ZNF76: variants seen among roughly 807,000 people sequenced by gnomAD.
ZNF76 encodes zinc finger protein 76.
Under a neutral mutation model 66.9 loss-of-function variants are expected in ZNF76, and 66 were observed. The observed-to-expected ratio is 0.99, with a 90% CI of 0.81 to 1.21. The LOEUF is 1.21. ZNF76 is among the 50% of genes most tolerant of loss of function. The pLI is 0.00. For synonymous variants in ZNF76, 275 were observed against 296.1 expected (o/e 0.93, Z 0.73); for missense variants, 729 against 760.3 (o/e 0.96, Z 0.48).
chr6:35,291,848 AGCC>A, intron 9 of ZNF76, 111 bp downstream of exon 9: 4 of 1,335,298 alleles, frequency 3.0e-6, no homozygotes, highest in Non-Finnish European at 3.1e-6. Context: ...CTTCTGTGCC[AGCC>A]ATTCCAGGCT....
At position 35,269,280 on chromosome 6, in the gene ZNF76, C is replaced by CAAA. The variant is rs10615994; in HGVS notation, c.-97+9460_-97+9462dup. 2.3e-3 allele frequency among the ~76,000 whole-genome samples: 187 copies of CAAA among 81,888 alleles called. 1 individual carries two copies. Among genetic ancestry groups the CAAA allele is most frequent in the Admixed American group, 3.9e-3 (24 of 6,232 alleles). 53.7% of individuals were successfully genotyped at this position (81,888 alleles called of 152,430 possible). ...TGGGCGACAGAGCGAGACTCTGTCT[C>CAAA]AAAAAAAAAAAAAAAAAAAAAAATG... On this transcript the variant is annotated intron_variant, in intron 1 of 13. Coordinates refer to ENST00000373953, the MANE Select transcript of ZNF76 (RefSeq NM_003427.5).
At chr6:35,264,729 C>G (rs1288472239) in intron 1 of ZNF76, among the ~76,000 whole-genome samples, 1 of 152,130 alleles carries the variant, frequency 6.6e-6, no homozygotes, top group Non-Finnish European at 1.5e-5. Context: ...TAACCTTTCT[C>G]TGACCTCTTC....
intron 5 of ZNF76, among the ~76,000 whole-genome samples, chr6:35,289,716 C>G (rs1283629689): frequency 6.6e-6 from 1 of 152,182 alleles, no homozygotes; most frequent in Non-Finnish European, 1.5e-5. Flanking sequence ...CAGCACTCCC[C>G]TGGGTGCTTC....
At chr6:35,267,589 G>A (rs1196756295) in intron 1 of ZNF76, among the ~76,000 whole-genome samples, 5 of 152,242 alleles carry the variant, frequency 3.3e-5, no homozygotes, top group Non-Finnish European at 7.3e-5. Flanking sequence ...GTAATACCCA[G>A]TGAGTGCCTG....
intron 1 of ZNF76, among the ~76,000 whole-genome samples, chr6:35,263,553 A>C (rs570152599): frequency 6.6e-6 from 1 of 152,344 alleles, no homozygotes; most frequent in Admixed American, 6.5e-5. Flanking sequence ...AGCAATAAAT[A>C]CAGCAGAAAC....
At chr6:35,278,692 C>G (rs539681153) in intron 1 of ZNF76, among the ~76,000 whole-genome samples, 7 of 152,362 alleles carry the variant, frequency 4.6e-5, no homozygotes, top group African/African-American at 1.7e-4. Flanking sequence ...GTCTTCACGA[C>G]TGCACTGAGT....
chr6:35,279,459 G>A (rs1014089626), intron 1 of ZNF76: 3 of 119,096 alleles, frequency 2.5e-5, no homozygotes, highest in Admixed American at 2.4e-4. Context: ...ACGGAGTCTC[G>A]CTCTGTCGCC....
chr6:35,287,861 G>A lies in ZNF76; in HGVS notation c.432+16G>A, dbSNP rs377305004. On this transcript the variant is annotated intron_variant, in intron 5 of 13. Coordinates refer to ENST00000373953, the MANE Select transcript of ZNF76 (RefSeq NM_003427.5). This position sits in a 1 kb window ranked among gnomAD's most constrained non-coding sequence, Gnocchi z 4.0. ...TGCCAGCAAGGTGAGCACGCACAGC[G>A]TGACACGGTCTGTCACTCTAGACAA... The A allele has an allele frequency of 1.8e-5, 29 of 1,568,326 alleles. No individual in the cohort carries two copies. The highest frequency in any genetic ancestry group is 1.6e-4 in the African/African-American group (12 of 73,592).
intron 5 of ZNF76, chr6:35,288,101 T>C (rs1458422553): frequency 1.1e-5 from 7 of 663,014 alleles, no homozygotes; most frequent in Non-Finnish European, 1.9e-5. Flanking sequence ...GTTTACGCTG[T>C]CTTTGCAGAG....
intron 1 of ZNF76, among the ~76,000 whole-genome samples, chr6:35,266,446 A>G (rs140191723): frequency 3.3e-5 from 5 of 152,310 alleles, no homozygotes; most frequent in Non-Finnish European, 5.9e-5. Flanking sequence ...ATTCCCATCT[A>G]CTGAAATTGG....
chr6:35,286,052 T>C, intron 2 of ZNF76, 76 bp from the exon 3 acceptor site: 1 of 1,393,000 alleles, frequency 7.2e-7, no homozygotes, highest in Middle Eastern at 2.1e-4. Flanking sequence ...CAAATAAGCC[T>C]CAGCTAAAAA....
intron 5 of ZNF76, chr6:35,288,320 A>G (rs1225858981): frequency 2.7e-6 from 1 of 363,870 alleles, no homozygotes; most frequent in Non-Finnish European, 5.4e-6. Context: ...TGACAAGGGC[A>G]TGTGCAACAG....
chr6:35,272,363 A>G (rs1437125412), intron 1 of ZNF76, among the ~76,000 whole-genome samples: 1 of 152,132 alleles, frequency 6.6e-6, no homozygotes, highest in Admixed American at 6.6e-5. Context: ...CAGATATTTG[A>G]GAGTCTCAGG....
Position 35,292,549 on chromosome 6 carries a change from C to T in ZNF76, c.932-5C>T. On this transcript the variant is annotated splice_region_variant and splice_polypyrimidine_tract_variant and intron_variant, in intron 9 of 13. Transcript: ENST00000373953. This position sits in a 1 kb window ranked among gnomAD's most constrained non-coding sequence, Gnocchi z 4.7. Reference sequence around the variant, plus strand: ...CCCACCCCCCTCACAGCCCAGTGTCCCCAGGGGAGAAGCCATACGTTTGCA... The same window carrying T: ...CCCACCCCCCTCACAGCCCAGTGTCTCCAGGGGAGAAGCCATACGTTTGCA... 6.2e-7 allele frequency: 1 copy of T among 1,613,226 alleles called. No homozygotes were observed. The highest frequency in any genetic ancestry group is 1.1e-5 in the South Asian group (1 of 91,060).
At chr6:35,285,740 T>G (rs1789467342) in intron 2 of ZNF76, among the ~76,000 whole-genome samples, 2 of 152,236 alleles carry the variant, frequency 1.3e-5, no homozygotes, top group Admixed American at 6.5e-5. Flanking sequence ...TTTGATTTTG[T>G]TAGTTTGAGC....
At position 35,292,707 on chromosome 6, in the gene ZNF76, T is replaced by C. The variant is rs151113018; in HGVS notation, c.1085T>C (p.Met362Thr). The stretch of plus-strand genomic sequence containing the variant: ...TACCGGCAGACCTCCACCTTGGCCA[T>C]GCACAAGCGCAGTGCCCACGGCGAG... ...KTYRQTSTLAMHKRSAHGELE... is the reference protein window; with the variant it reads ...KTYRQTSTLATHKRSAHGELE... The change falls in exon 10 of 14, where the codon ATG becomes ACG. Residue 362 changes from methionine (M) to threonine (T), a missense_variant. By Grantham distance (81) the Met-to-Thr change is moderately conservative. Coordinates refer to ENST00000373953, the MANE Select transcript of ZNF76 (RefSeq NM_003427.5). This position sits in a 1 kb window ranked among gnomAD's most constrained non-coding sequence, Gnocchi z 4.7. The C allele has an allele frequency of 5.0e-6, 8 of 1,613,990 alleles. No individual in the cohort carries two copies. The African/African-American group carries it at 9.3e-5, about 19-fold the overall frequency.
chr6:35,289,334 C>T (rs561465407), intron 5 of ZNF76, among the ~76,000 whole-genome samples: 22 of 152,300 alleles, frequency 1.4e-4, no homozygotes, highest in African/African-American at 4.1e-4. Flanking sequence ...TGACCCTACC[C>T]TCTACCCAGA....
At chr6:35,286,286 A>G in intron 3 of ZNF76, 36 bp from the exon 4 acceptor site, 1 of 1,613,850 alleles carries the variant, frequency 6.2e-7, no homozygotes. Flanking sequence ...CATGGCACTG[A>G]GCTCCAGGGA....
intron 1 of ZNF76, among the ~76,000 whole-genome samples, chr6:35,271,852 G>A (rs1055164404): frequency 3.3e-5 from 5 of 152,062 alleles, no homozygotes; most frequent in African/African-American, 1.2e-4. Flanking sequence ...ACTTTGTTGA[G>A]GCTAAGGTGG....
Sources: allele counts gnomAD v4.1 joint callset (sites outside exome capture counted in the v4.1 genomes callset), GRCh38; gene constraint gnomAD v4.1.1; non-coding constraint Gnocchi (gnomAD v3.1); transcripts MANE v1.5; gene names NCBI Gene and HGNC (gene_info 2026-07-23, HGNC 2026-07-21).